Variants in OCM observed in about 807,000 individuals in gnomAD.
The protein encoded by OCM is oncomodulin-1.
In OCM, 18 loss-of-function variants were observed where a neutral mutation model predicts 14.1. The observed-to-expected ratio is 1.28, with a 90% CI of 0.88 to 1.89. The LOEUF (loss-of-function observed/expected upper bound fraction) is 1.89, where lower values mean the gene tolerates loss of function less well. Ranked by LOEUF, OCM falls within the 40% of genes most tolerant of loss-of-function variation. The pLI is 0.00. For missense variants in OCM, 140 were observed against 137.6 expected (o/e 1.02, Z -0.09); for synonymous variants, 48 against 51.0 (o/e 0.94, Z 0.25).
intron 1 of OCM, 142 bp downstream of exon 1, chr7:5,881,092 G>T (rs1377099067): frequency 2.7e-6 from 2 of 743,760 alleles, no homozygotes; most frequent in African/African-American, 1.7e-5. Context: ...GCCGAGGCGG[G>T]TGGATCACGA....
In OCM at chr7:5,886,204, A is replaced by G; in HGVS notation, c.*115A>G. The G allele has an allele frequency of 7.7e-7, 1 of 1,301,586 alleles. No homozygotes were observed. The highest frequency in any genetic ancestry group is 1.5e-5 in the African/African-American group (1 of 67,900). 80.6% of individuals were successfully genotyped at this position (1,301,586 alleles called of 1,614,324 possible). ...CTACCTAATTTGTTAATTTTCCCTG[A>G]AAACCTTCTGCAGTTTGCTCATTGT... is the stretch of plus-strand genomic sequence containing the variant. On this transcript the variant is annotated 3_prime_UTR_variant, in exon 4 of 4. Transcript: ENST00000242104.
chr7:5,870,490 T>G, the OCM span, among the ~76,000 whole-genome samples: 1 of 152,198 alleles, frequency 6.6e-6, no homozygotes, highest in African/African-American at 2.4e-5. Context: ...TCATAATTTC[T>G]TCTCACTGGG....
chr7:5,863,988 G>A, the OCM span, among the ~76,000 whole-genome samples: 278 of 152,048 alleles, frequency 1.8e-3, 3 homozygotes, highest in African/African-American at 5.6e-3. Context: ...TGAGGATGAA[G>A]ACATGTTGGG....
chr7:5,869,416 G>C, the OCM span, among the ~76,000 whole-genome samples: 1 of 152,020 alleles, frequency 6.6e-6, no homozygotes, highest in Non-Finnish European at 1.5e-5. Flanking sequence ...TGACCAACAT[G>C]GTGAAACCCT....
the OCM span, among the ~76,000 whole-genome samples, chr7:5,866,369 GGAGGGAGGAAAGGAGGAAGA>G: frequency 3.0e-4 from 19 of 63,620 alleles, no homozygotes; most frequent in Admixed American, 2.3e-3. Flanking sequence ...AAGGAGGAAG[GGAGGGAGGAAAGGAGGAAGA>G]GAGGAAGGAA....
the OCM span, among the ~76,000 whole-genome samples, chr7:5,869,615 A>T: frequency 2.0e-5 from 3 of 152,112 alleles, no homozygotes; most frequent in Non-Finnish European, 2.9e-5. Flanking sequence ...TTAAAAATTT[A>T]AAAAATATAT....
At chr7:5,870,948 A>G in the OCM span, among the ~76,000 whole-genome samples, 1 of 151,404 alleles carries the variant, frequency 6.6e-6, no homozygotes, top group Non-Finnish European at 1.5e-5. Flanking sequence ...GTGCAATGGC[A>G]TGATCTCAGC....
At chr7:5,880,649 C>T, upstream of OCM, 1 of 426,170 alleles carries the variant, frequency 2.3e-6, no homozygotes, top group Non-Finnish European at 4.3e-6. Context: ...ATCCCAGCTA[C>T]TGGGAAGGCT....
intron 2 of OCM, 62 bp from the exon 3 acceptor site, chr7:5,883,828 A>G (rs1781275401): frequency 2.5e-6 from 4 of 1,600,156 alleles, no homozygotes; most frequent in Non-Finnish European, 3.4e-6. Flanking sequence ...GAAAAACAAA[A>G]GTGTAAACAC....
chr7:5,872,996 A>AG, the OCM span, among the ~76,000 whole-genome samples: 1 of 152,180 alleles, frequency 6.6e-6, no homozygotes, highest in Non-Finnish European at 1.5e-5. Context: ...TGAGCCCAGG[A>AG]GGTCAAGGCT....
At chr7:5,879,023 C>A (rs1265262336), upstream of OCM, among the ~76,000 whole-genome samples, 1 of 151,808 alleles carries the variant, frequency 6.6e-6, no homozygotes, top group Non-Finnish European at 1.5e-5. Context: ...AAAACCCTGT[C>A]TCTCCAAAAA....
chr7:5,866,277 G>A, the OCM span, among the ~76,000 whole-genome samples: 1 of 150,658 alleles, frequency 6.6e-6, no homozygotes, highest in Non-Finnish European at 1.5e-5. Context: ...ACTGAGCTAT[G>A]AGTGTGCCAC....
chr7:5,860,817 CATAT>C, the OCM span, among the ~76,000 whole-genome samples: 76 of 146,040 alleles, frequency 5.2e-4, 5 homozygotes, highest in South Asian at 0.016. Flanking sequence ...TACACACATA[CATAT>C]ATATACACAC....
In OCM at chr7:5,886,212, C is replaced by T. The variant is rs921533739; in HGVS notation, c.*123C>T. ...TTTGTTAATTTTCCCTGAAAACCTT[C>T]TGCAGTTTGCTCATTGTTTTAGTGA... is the stretch of plus-strand genomic sequence containing the variant. On this transcript the variant is annotated 3_prime_UTR_variant, in exon 4 of 4. Coordinates refer to ENST00000242104, the MANE Select transcript of OCM (RefSeq NM_001097622.2). 2.2e-5 allele frequency: 28 copies of T among 1,281,124 alleles called. No individual in the cohort carries two copies. The highest frequency in any genetic ancestry group is 1.9e-4 in the Middle Eastern group (1 of 5,330). The allele number at this position is 1,281,124 out of a possible 1,614,324, so 79.4% of individuals were successfully genotyped here.
Position 5,886,056 on chromosome 7 carries a change from T to C in OCM, c.305-8T>C. ...CCACTGACCCTGTTCTCACCTCTTC[T>C]GTTCTAGAATTCCAGGAAATGGTGC... On this transcript the variant is annotated splice_polypyrimidine_tract_variant and splice_region_variant and intron_variant, in intron 3 of 3. Transcript: ENST00000242104. The C allele has an allele frequency of 6.2e-7, 1 of 1,614,146 alleles. No individual in the cohort carries two copies. Among genetic ancestry groups the C allele is most frequent in the Non-Finnish European group, 8.5e-7 (1 of 1,180,002 alleles).
chr7:5,871,461 C>T, the OCM span, among the ~76,000 whole-genome samples: 1 of 152,064 alleles, frequency 6.6e-6, no homozygotes, highest in Non-Finnish European at 1.5e-5. Flanking sequence ...AGATTATAGG[C>T]TTGAGCCATC....
At chr7:5,877,683 G>A (rs1004716510), upstream of OCM, among the ~76,000 whole-genome samples, 5 of 151,372 alleles carry the variant, frequency 3.3e-5, 1 homozygote, top group South Asian at 8.4e-4. Context: ...ACCCAGGTGT[G>A]GTAGCATGTG....
chr7:5,882,358 C>A, intron 1 of OCM, 135 bp from the exon 2 acceptor site: 1 of 1,056,612 alleles, frequency 9.5e-7, no homozygotes, highest in African/African-American at 1.6e-5. Context: ...GTCCCAAAAT[C>A]TTGGACCAGT....
chr7:5,883,356 A>T (rs572448455), intron 2 of OCM, among the ~76,000 whole-genome samples: 1 of 150,946 alleles, frequency 6.6e-6, no homozygotes, highest in African/African-American at 2.4e-5. Flanking sequence ...GTCTCAAATA[A>T]ATAAATAAAT....
Sources: gnomAD v4.1 joint callset for allele counts (sites outside exome capture counted in the v4.1 genomes callset) on GRCh38, gnomAD v4.1.1 for gene constraint, MANE v1.5 for transcripts, NCBI Gene and HGNC (gene_info 2026-07-23, HGNC 2026-07-21) for gene names.